Variants in EIF3B observed in about 807,000 individuals in gnomAD.
EIF3B encodes eukaryotic translation initiation factor 3 subunit B.
In EIF3B, 10 loss-of-function variants were observed where a neutral mutation model predicts 104.6. The ratio of observed to expected loss-of-function variants is 0.10; its 90% CI spans 0.06 to 0.16. EIF3B has a LOEUF of 0.16. EIF3B is among the 10% of genes least tolerant of loss of function. The pLI is 1.00. For missense variants in EIF3B, 1,014 were observed against 1,087.9 expected (o/e 0.93, Z 0.96); for synonymous variants, 542 against 417.2 (o/e 1.30, Z -3.65).
At chr7:2,377,557 C>G (rs111759989) in intron 15 of EIF3B, among the ~76,000 whole-genome samples, 62 of 90,508 alleles carry the variant, frequency 6.9e-4, no homozygotes, top group Admixed American at 1.0e-3. Context: ...CACGAGCGCT[C>G]CTGGGATGCT....
Position 2,372,716 on chromosome 7 carries a change from T to C in EIF3B, c.1731T>C (p.Phe577=), listed in dbSNP as rs755413947. The C allele has an allele frequency of 6.2e-7, 1 of 1,614,188 alleles. No individual in the cohort carries two copies. The highest frequency in any genetic ancestry group is 2.2e-5 in the East Asian group (1 of 44,886). ...CCTGGGAACCAAATGGAAGTAAGTT[T>C]GCTGTGCTGCACGGAGAGGCTCCGC... ...AFAWEPNGSK[F]AVLHGEAPRI... is the part of the protein sequence containing the mutation. The change falls in exon 12 of 19, where the codon TTT becomes TTC. Residue 577 remains phenylalanine, a synonymous_variant. Transcript: ENST00000360876.
At chr7:2,355,778 C>T (rs754753802) in intron 1 of EIF3B, among the ~76,000 whole-genome samples, 24 of 152,058 alleles carry the variant, frequency 1.6e-4, no homozygotes, top group Non-Finnish European at 2.6e-4. Context: ...ACCGAAGACC[C>T]GGTGGCAGGT....
intron 2 of EIF3B, among the ~76,000 whole-genome samples, chr7:2,361,556 A>G (rs535386328): frequency 6.6e-6 from 1 of 151,906 alleles, no homozygotes; most frequent in African/African-American, 2.4e-5. Flanking sequence ...AGTAGCTGGG[A>G]CTACTGGCGC....
At chr7:2,362,148 C>G (rs1267828425) in intron 2 of EIF3B, among the ~76,000 whole-genome samples, 1 of 151,986 alleles carries the variant, frequency 6.6e-6, no homozygotes, top group Non-Finnish European at 1.5e-5. Context: ...TTAGCAGAGA[C>G]AGGGTTTCAC....
At chr7:2,379,719 G>A (rs1780890835) in intron 18 of EIF3B, 1 of 550,578 alleles carries the variant, frequency 1.8e-6, no homozygotes, top group East Asian at 3.1e-5. Flanking sequence ...ATTGCAGATG[G>A]CGCCTTTCAG....
chr7:2,355,980 T>A (rs1779406376), intron 1 of EIF3B, among the ~76,000 whole-genome samples: 1 of 148,456 alleles, frequency 6.7e-6, no homozygotes, highest in African/African-American at 2.6e-5. Context: ...GCGCTAAATC[T>A]ATAAAGAGAG....
intron 10 of EIF3B, among the ~76,000 whole-genome samples, chr7:2,371,228 C>T (rs1029504177): frequency 2.0e-5 from 3 of 152,240 alleles, no homozygotes; most frequent in Non-Finnish European, 2.9e-5. Flanking sequence ...TGACCTCCTT[C>T]ACGGAGCACA....
intron 10 of EIF3B, among the ~76,000 whole-genome samples, chr7:2,370,233 T>C (rs555575457): frequency 6.6e-6 from 1 of 152,216 alleles, no homozygotes; most frequent in South Asian, 2.1e-4. Context: ...TCCCAGCACT[T>C]TGGGAGGCCG....
At chr7:2,367,214 T>C in intron 9 of EIF3B, 169 bp downstream of exon 9, 1 of 613,884 alleles carries the variant, frequency 1.6e-6, no homozygotes, top group Non-Finnish European at 2.8e-6. Flanking sequence ...CTGCAGACTG[T>C]CTGGTGACGG....
At chr7:2,363,844 C>G (rs1276335799) in intron 5 of EIF3B, 84 bp downstream of exon 5, 1 of 1,471,350 alleles carries the variant, frequency 6.8e-7, no homozygotes, top group Non-Finnish European at 9.1e-7. Flanking sequence ...TATCAGAAAA[C>G]TGGAAGAGCA....
intron 15 of EIF3B, 35 bp downstream of exon 15, chr7:2,377,110 T>G (rs751184242): frequency 7.0e-6 from 11 of 1,574,802 alleles, no homozygotes; most frequent in Non-Finnish European, 8.6e-6. Flanking sequence ...GCAGGGCACA[T>G]GGAGGCAATT....
chr7:2,355,585 G>T (rs1356092059), intron 1 of EIF3B, among the ~76,000 whole-genome samples, 165 bp downstream of exon 1: 1 of 152,170 alleles, frequency 6.6e-6, no homozygotes, highest in Non-Finnish European at 1.5e-5. Context: ...GAGTGCCCTG[G>T]AAGTGTTCTG....
intron 17 of EIF3B, 62 bp downstream of exon 17, chr7:2,379,304 C>A: frequency 6.4e-7 from 1 of 1,555,970 alleles, no homozygotes; most frequent in Non-Finnish European, 8.8e-7. Context: ...GGCCCTGGTG[C>A]CCGCGGACTC....
chr7:2,368,909 G>A (rs746626044), intron 9 of EIF3B, among the ~76,000 whole-genome samples: 17 of 152,180 alleles, frequency 1.1e-4, no homozygotes, highest in Non-Finnish European at 2.4e-4. Context: ...AGACCAGGAC[G>A]TTGGTTCTCA....
chr7:2,360,939 C>T (rs1306405280), intron 2 of EIF3B, 37 bp downstream of exon 2: 3 of 1,532,916 alleles, frequency 2.0e-6, no homozygotes, highest in Non-Finnish European at 2.7e-6. Context: ...TCATCTGTGT[C>T]TGGCACGTCA....
intron 6 of EIF3B, among the ~76,000 whole-genome samples, chr7:2,365,621 G>T (rs1271571529): frequency 6.6e-6 from 1 of 151,720 alleles, no homozygotes; most frequent in African/African-American, 2.4e-5. Context: ...TCAGACCTGT[G>T]CTGGCTTTCG....
At position 2,363,769 on chromosome 7, in the gene EIF3B, T is replaced by C. The variant is rs2115297960; in HGVS notation, c.999+9T>C. 1 of 1,611,832 alleles carries C rather than the reference T, an allele frequency of 6.2e-7. No homozygotes were observed. Among genetic ancestry groups the C allele is most frequent in the Non-Finnish European group, 8.5e-7 (1 of 1,179,472 alleles). On this transcript the variant is annotated intron_variant, in intron 5 of 18. Coordinates refer to ENST00000360876, the MANE Select transcript of EIF3B (RefSeq NM_001037283.2). ...CAATTGAAGAAAGAGCGGTGTGTAT[T>C]TGCTGCTGCTGGGGGCGGGGACTCA... is the stretch of plus-strand genomic sequence containing the variant.
chr7:2,363,218 T>G (rs1779833615), intron 4 of EIF3B, 91 bp downstream of exon 4: 1 of 1,318,712 alleles, frequency 7.6e-7, no homozygotes, highest in Non-Finnish European at 1.1e-6. Context: ...TTAGGGAGGC[T>G]GAGGTGGGAG....
chr7:2,362,679 G>T lies in EIF3B; in HGVS notation c.727G>T (p.Ala243Ser), dbSNP rs752665303. The T allele has an allele frequency of 3.1e-6, 5 of 1,614,234 alleles. No homozygotes were observed. Among genetic ancestry groups the T allele is most frequent in the Middle Eastern group, 1.6e-4 (1 of 6,062 alleles). ...CCTGGAGTACGCGTCCCCTGCCCAC[G>T]CTGTGGATGCTGTGAAGAACGCCGA... ...IFLEYASPAH[A>S]VDAVKNADGY... Residue 243 changes from alanine to serine, a missense_variant, in exon 3 of 19, where the codon GCT becomes TCT. By Grantham distance (99) the Ala-to-Ser change is moderately conservative (BLOSUM62 1). This residue lies in a region of EIF3B where 488 missense variants were observed against 404.3 expected (regional missense o/e 1.21). Transcript: ENST00000360876.
Sources: allele counts gnomAD v4.1 joint callset (sites outside exome capture counted in the v4.1 genomes callset), GRCh38; gene constraint gnomAD v4.1.1; regional missense constraint gnomAD v4.1.1; transcripts MANE v1.5; gene names NCBI Gene and HGNC (gene_info 2026-07-23, HGNC 2026-07-21).